The following DLG2 variants were observed in gnomAD, a reference collection of about 807,000 sequenced individuals.
DLG2 encodes discs large MAGUK scaffold protein 2.
DLG2 carries 45 observed loss-of-function variants against 132.5 expected under a neutral mutation model. That is an observed-to-expected ratio of 0.34 (90% confidence interval 0.27 to 0.44). DLG2 has a LOEUF of 0.44. DLG2 is among the 20% of genes least tolerant of loss of function. The pLI is 1.00. For synonymous variants in DLG2, 424 were observed against 419.6 expected (o/e 1.01, Z -0.13); for missense variants, 1,045 against 1,196.9 (o/e 0.87, Z 1.87).
At chr11:84,947,928 T>C (rs1310841278) in intron 6 of DLG2, among the ~76,000 whole-genome samples, 1 of 152,200 alleles carries the variant, frequency 6.6e-6, no homozygotes, top group Admixed American at 6.5e-5. Context: ...TGTTATTAAA[T>C]AACTTGTCCT....
intron 11 of DLG2, among the ~76,000 whole-genome samples, chr11:84,049,267 G>A (rs1157883981): frequency 6.6e-6 from 1 of 151,722 alleles, no homozygotes; most frequent in Non-Finnish European, 1.5e-5. Flanking sequence ...AGATAAGCTG[G>A]ACATGAAATT....
At chr11:83,996,182 TA>T (rs962311479) in intron 11 of DLG2, among the ~76,000 whole-genome samples, 3 of 152,090 alleles carry the variant, frequency 2.0e-5, no homozygotes, top group African/African-American at 4.8e-5. Context: ...GGACATTTCT[TA>T]AAGGAAGACA....
At chr11:85,104,706 A>G (rs1380986039) in intron 6 of DLG2, among the ~76,000 whole-genome samples, 1 of 151,754 alleles carries the variant, frequency 6.6e-6, no homozygotes, top group African/African-American at 2.4e-5. Flanking sequence ...GGTGAATTGT[A>G]TGGTATGTGA....
At chr11:83,756,731 A>C (rs2093663676) in intron 18 of DLG2, among the ~76,000 whole-genome samples, 3 of 151,466 alleles carry the variant, frequency 2.0e-5, no homozygotes, top group Non-Finnish European at 4.4e-5. Flanking sequence ...AAAATATATA[A>C]ACAAATAGAA....
At chr11:85,577,194 A>G (rs1262900153) in intron 3 of DLG2, among the ~76,000 whole-genome samples, 2 of 152,180 alleles carry the variant, frequency 1.3e-5, no homozygotes, top group Non-Finnish European at 2.9e-5. Context: ...ATCACTCTGT[A>G]TGCTATGCAG....
intron 6 of DLG2, among the ~76,000 whole-genome samples, chr11:84,707,167 C>T (rs979864516): frequency 4.6e-5 from 7 of 151,766 alleles, no homozygotes; most frequent in South Asian, 2.1e-4. Flanking sequence ...GCTCCCCAAG[C>T]GAACACCTAG....
Position 83,474,100 on chromosome 11 carries a change from G to C in DLG2, c.2294-1323C>G, listed in dbSNP as rs146531167. ...CCAAGCTACTTCTTAAGGGTACAGA[G>C]AGTGGACCTTGATGCTCCTCCTAAG... is the stretch of plus-strand genomic sequence containing the variant. On this transcript the variant is annotated intron_variant, in intron 22 of 27. Transcript: ENST00000376104. 2.0e-5 allele frequency among the ~76,000 whole-genome samples: 3 copies of C among 152,216 alleles called. No individual in the cohort carries two copies. The East Asian group carries it at 5.8e-4, about 29-fold the overall frequency.
chr11:85,042,221 T>G (rs776623956), intron 6 of DLG2, among the ~76,000 whole-genome samples: 1 of 152,016 alleles, frequency 6.6e-6, no homozygotes, highest in African/African-American at 2.4e-5. Flanking sequence ...CAGCTAGATG[T>G]ATACGTTTGA....
chr11:84,651,764 C>T (rs2099682331), intron 6 of DLG2, among the ~76,000 whole-genome samples: 1 of 152,136 alleles, frequency 6.6e-6, no homozygotes, highest in Non-Finnish European at 1.5e-5. Flanking sequence ...ACCTTGGAGA[C>T]TGGACTAGAG....
At chr11:83,544,727 A>AATTAG (rs1198887483) in intron 19 of DLG2, among the ~76,000 whole-genome samples, 3 of 152,106 alleles carry the variant, frequency 2.0e-5, no homozygotes, top group Non-Finnish European at 4.4e-5. Context: ...TAAAGGTAAA[A>AATTAG]ATTAGTATCC....
intron 7 of DLG2, among the ~76,000 whole-genome samples, chr11:84,326,400 A>T (rs984092882): frequency 2.0e-5 from 3 of 152,080 alleles, no homozygotes; most frequent in Non-Finnish European, 4.4e-5. Context: ...TTTTTATGGT[A>T]TCCCATAAGT....
At chr11:84,361,763 T>C (rs920502541) in intron 7 of DLG2, among the ~76,000 whole-genome samples, 5 of 151,986 alleles carry the variant, frequency 3.3e-5, no homozygotes, top group Admixed American at 2.6e-4. Context: ...AGAAATAAAA[T>C]TGTGCACAAG....
At chr11:84,727,221 G>A (rs776630553) in intron 6 of DLG2, among the ~76,000 whole-genome samples, 2 of 152,094 alleles carry the variant, frequency 1.3e-5, no homozygotes, top group African/African-American at 2.4e-5. Context: ...GATTTTTACG[G>A]TCCCAGGTCT....
At chr11:84,742,149 G>A (rs1035650580) in intron 6 of DLG2, among the ~76,000 whole-genome samples, 7 of 151,966 alleles carry the variant, frequency 4.6e-5, no homozygotes, top group African/African-American at 1.4e-4. Flanking sequence ...AAGCCTATAC[G>A]ATTTATGGGG....
chr11:83,519,361 G>T (rs1269227477), intron 21 of DLG2, among the ~76,000 whole-genome samples: 1 of 152,096 alleles, frequency 6.6e-6, no homozygotes, highest in Non-Finnish European at 1.5e-5. Flanking sequence ...GAATTTTATT[G>T]TTACAATATA....
chr11:83,513,160 G>T (rs1471720928), intron 21 of DLG2, among the ~76,000 whole-genome samples: 1 of 152,194 alleles, frequency 6.6e-6, no homozygotes, highest in Admixed American at 6.5e-5. Flanking sequence ...CAGTGTAAAA[G>T]TGTTCCTATT....
intron 3 of DLG2, among the ~76,000 whole-genome samples, chr11:85,310,286 G>A (rs1473274903): frequency 6.6e-6 from 1 of 152,120 alleles, no homozygotes; most frequent in Non-Finnish European, 1.5e-5. Flanking sequence ...GTCCTGGGTG[G>A]ACAAAATATT....
At chr11:85,032,324 T>C (rs1454955813) in intron 6 of DLG2, among the ~76,000 whole-genome samples, 1 of 152,224 alleles carries the variant, frequency 6.6e-6, no homozygotes, top group East Asian at 1.9e-4. Context: ...GTTGAATATT[T>C]ACCCTTGCCT....
intron 5 of DLG2, among the ~76,000 whole-genome samples, chr11:85,133,494 T>G (rs1400540722): frequency 2.0e-5 from 3 of 152,140 alleles, no homozygotes; most frequent in Non-Finnish European, 4.4e-5. Flanking sequence ...GACTAACAGC[T>G]GGATAAGGAA....
Sources: gnomAD v4.1 joint callset for allele counts (sites outside exome capture counted in the v4.1 genomes callset) on GRCh38, gnomAD v4.1.1 for gene constraint, MANE v1.5 for transcripts, NCBI Gene and HGNC (gene_info 2026-07-23, HGNC 2026-07-21) for gene names.